The following GNAQ variants were observed in gnomAD, a reference collection of about 807,000 sequenced individuals.
The protein encoded by GNAQ is G protein subunit alpha q, also known as guanine nucleotide-binding protein G(q) subunit alpha.
A neutral mutation model predicts 43.9 loss-of-function variants in GNAQ; 8 were observed. The ratio of observed to expected loss-of-function variants is 0.18; its 90% CI spans 0.11 to 0.33. GNAQ has a LOEUF of 0.33. Among genes scored for constraint, GNAQ ranks in the 10% least tolerant of loss-of-function variants. The probability of loss-of-function intolerance (pLI) is 1.00; values close to 1 mark genes in which losing one functional copy is unlikely to be tolerated. For missense variants in GNAQ, 158 were observed against 450.8 expected (o/e 0.35, Z 5.88); for synonymous variants, 155 against 170.7 (o/e 0.91, Z 0.71).
intron 2 of GNAQ, among the ~76,000 whole-genome samples, chr9:77,831,886 A>G (rs1827303820): frequency 6.6e-6 from 1 of 152,098 alleles, no homozygotes; most frequent in African/African-American, 2.4e-5. Flanking sequence ...CAGTTTTCTA[A>G]GACTATCAGA....
chr9:78,022,624 A>G (rs1823925048), intron 1 of GNAQ, among the ~76,000 whole-genome samples: 1 of 152,260 alleles, frequency 6.6e-6, no homozygotes, highest in Non-Finnish European at 1.5e-5. Context: ...CACAAGAGTT[A>G]CAGAGACAAG....
chr9:77,925,798 C>T (rs984580721), intron 1 of GNAQ, among the ~76,000 whole-genome samples: 1 of 152,156 alleles, frequency 6.6e-6, no homozygotes, highest in Non-Finnish European at 1.5e-5. Flanking sequence ...ACATTGGTAT[C>T]CACAAGGGAT....
At chr9:77,729,096 C>G (rs2378079) in intron 5 of GNAQ, among the ~76,000 whole-genome samples, 27 of 31,964 alleles carry the variant, frequency 8.4e-4, no homozygotes, top group African/African-American at 1.3e-3. Context: ...TCACAATTAA[C>G]TCTATTCTAA....
chr9:77,876,671 A>T (rs1400883584), intron 2 of GNAQ, among the ~76,000 whole-genome samples: 1 of 152,200 alleles, frequency 6.6e-6, no homozygotes, highest in African/African-American at 2.4e-5. Context: ...ATTAATTCTC[A>T]TTTGATCCTT....
rs1042485981 is a variant in GNAQ at position 78,012,341 on chromosome 9, G to T, written c.136+18759C>A. On this transcript the variant is annotated intron_variant, in intron 1 of 6. Transcript: ENST00000286548. ...CAACCTCCACCTCCCAGGTTCAAGT[G>T]ACTCTCCTGCCTTAGCCTTGCAAGT... Among the ~76,000 whole-genome samples the T allele has an allele frequency of 1.2e-4, 18 of 150,760 alleles. No homozygotes were observed. In the South Asian group the frequency reaches 3.8e-3, roughly 32 times the overall value.
chr9:77,996,709 A>G (rs1823574591), intron 1 of GNAQ, among the ~76,000 whole-genome samples: 1 of 151,998 alleles, frequency 6.6e-6, no homozygotes. Context: ...AAAAAGAAAA[A>G]AAGAAAAACA....
chr9:77,725,352 T>C (rs562475980), intron 6 of GNAQ, among the ~76,000 whole-genome samples: 40 of 152,076 alleles, frequency 2.6e-4, no homozygotes, highest in African/African-American at 8.2e-4. Context: ...CTTGTAAGTA[T>C]AGAAATGTGG....
rs1225970518 is a variant in GNAQ at position 77,879,405 on chromosome 9, A to G, written c.321+42756T>C. 7.2e-5 allele frequency among the ~76,000 whole-genome samples: 11 copies of G among 152,168 alleles called. No individual in the cohort carries two copies. In the East Asian group the frequency reaches 2.0e-3, roughly 27 times the overall value. On this transcript the variant is annotated intron_variant, in intron 2 of 6. Transcript: ENST00000286548. ...CAGCCTCCAGTGTAGCTGGGATTAG[A>G]GGCACCCACCACCACATCCAGCTTT...
At chr9:77,906,642 A>T (rs2118184990) in intron 2 of GNAQ, among the ~76,000 whole-genome samples, 1 of 152,376 alleles carries the variant, frequency 6.6e-6, no homozygotes, top group African/African-American at 2.4e-5. Flanking sequence ...CAAATTTCCA[A>T]GAACTGAAAA....
chr9:77,766,522 T>C (rs1489064578), intron 5 of GNAQ, among the ~76,000 whole-genome samples: 3 of 152,232 alleles, frequency 2.0e-5, no homozygotes. Context: ...TGATGAGACT[T>C]CTGGGTGTCT....
At chr9:77,891,496 G>A (rs1178330401) in intron 2 of GNAQ, among the ~76,000 whole-genome samples, 2 of 152,092 alleles carry the variant, frequency 1.3e-5, no homozygotes, top group East Asian at 1.9e-4. Flanking sequence ...AAAATTTCAC[G>A]TTTAAGTTCC....
intron 2 of GNAQ, among the ~76,000 whole-genome samples, chr9:77,895,291 C>T (rs577213250): frequency 6.6e-6 from 1 of 152,148 alleles, no homozygotes; most frequent in South Asian, 2.1e-4. Context: ...TTAATACCCA[C>T]CCTGTGACTT....
rs114755612 is a variant in GNAQ, at chr9:77,938,779, A to G, written c.137-16434T>C. Among the ~76,000 whole-genome samples, 737 of 152,290 alleles carry G rather than the reference A, an allele frequency of 4.8e-3. 6 individuals carry two copies. Among genetic ancestry groups the G allele is most frequent in the African/African-American group, 0.016 (684 of 41,572 alleles). On this transcript the variant is annotated intron_variant, in intron 1 of 6. Coordinates refer to ENST00000286548, the MANE Select transcript of GNAQ (RefSeq NM_002072.5). ...TTAGCTGTGTTACGTTGTCAAACGCATTTTCAGGGCATACAGGCTAGAAGC... is the reference window on the plus strand; with the variant it reads ...TTAGCTGTGTTACGTTGTCAAACGCGTTTTCAGGGCATACAGGCTAGAAGC...
chr9:77,760,839 G>C (rs1825991619), intron 5 of GNAQ, among the ~76,000 whole-genome samples: 1 of 149,968 alleles, frequency 6.7e-6, no homozygotes, highest in African/African-American at 2.5e-5. Flanking sequence ...CTGAGATGTG[G>C]GGAGTGCCTT....
chr9:77,806,879 G>C (rs1200164444), intron 3 of GNAQ, among the ~76,000 whole-genome samples: 4 of 152,144 alleles, frequency 2.6e-5, no homozygotes, highest in African/African-American at 9.7e-5. Flanking sequence ...ATAAATAACC[G>C]TAATACAATG....
chr9:77,936,635 A>C (rs1829236611), intron 1 of GNAQ, among the ~76,000 whole-genome samples: 1 of 152,190 alleles, frequency 6.6e-6, no homozygotes, highest in Non-Finnish European at 1.5e-5. Flanking sequence ...CAAATCAAAA[A>C]AAGAAAATAT....
At chr9:77,758,055 A>C (rs1184557290) in intron 5 of GNAQ, among the ~76,000 whole-genome samples, 1 of 152,242 alleles carries the variant, frequency 6.6e-6, no homozygotes, top group African/African-American at 2.4e-5. Context: ...TAAAAATATT[A>C]TATGAATTTA....
At position 77,717,127 on chromosome 9, in the gene GNAQ, G is replaced by C; in HGVS notation, c.*4196C>G. 1 of 232,250 alleles carries C rather than the reference G, an allele frequency of 4.3e-6. No individual in the cohort carries two copies. Among genetic ancestry groups the C allele is most frequent in the Non-Finnish European group, 8.5e-6 (1 of 117,468 alleles). The allele number at this position is 232,250 out of a possible 1,614,324, so 14.4% of individuals were successfully genotyped here. ...CAGTTACCAGGACAGATCTATTAAC[G>C]CTACATATGCTGGAAATATGTAGAG... On this transcript the variant is annotated 3_prime_UTR_variant, in exon 7 of 7. Coordinates refer to ENST00000286548, the MANE Select transcript of GNAQ (RefSeq NM_002072.5).
intron 2 of GNAQ, among the ~76,000 whole-genome samples, chr9:77,826,093 T>G (rs1412531727): frequency 1.3e-5 from 2 of 152,236 alleles, no homozygotes; most frequent in Non-Finnish European, 2.9e-5. Context: ...GACAACAGGC[T>G]GTAGCTAAGA....
Sources: gnomAD v4.1 joint callset for allele counts (sites outside exome capture counted in the v4.1 genomes callset) on GRCh38, gnomAD v4.1.1 for gene constraint, MANE v1.5 for transcripts, NCBI Gene and HGNC (gene_info 2026-07-23, HGNC 2026-07-21) for gene names.